The following MAF variants were observed in gnomAD, a reference collection of about 807,000 sequenced individuals.
MAF encodes the protein MAF bZIP transcription factor.
A neutral mutation model predicts 22.0 loss-of-function variants in MAF; 10 were observed. The observed-to-expected ratio is 0.45, with a 90% CI of 0.28 to 0.77. MAF has a LOEUF of 0.77. Ranked by LOEUF, MAF falls within the 30% of genes least tolerant of loss-of-function variation. The pLI, the probability that MAF is intolerant of heterozygous loss-of-function variation, is 0.12. For synonymous variants in MAF, 337 were observed against 255.8 expected (o/e 1.32, Z -3.03); for missense variants, 544 against 548.4 (o/e 0.99, Z 0.08).
chr16:79,478,467 A>G, the MAF span, among the ~76,000 whole-genome samples: 1 of 152,274 alleles, frequency 6.6e-6, no homozygotes, highest in East Asian at 1.9e-4. Flanking sequence ...AGAAGAACAC[A>G]ATCACCACTG....
the MAF span, among the ~76,000 whole-genome samples, chr16:79,283,981 A>AAT: frequency 1.3e-5 from 1 of 77,494 alleles, no homozygotes; most frequent in East Asian, 4.1e-4. Context: ...AAAAAAAAAA[A>AAT]AAAAGACAAA....
chr16:79,281,916 A>G, the MAF span, among the ~76,000 whole-genome samples: 2 of 152,134 alleles, frequency 1.3e-5, no homozygotes, highest in African/African-American at 4.8e-5. Flanking sequence ...GCTAGCAAGG[A>G]CCACAATGAG....
chr16:79,420,499 A>C, the MAF span, among the ~76,000 whole-genome samples: 1 of 152,196 alleles, frequency 6.6e-6, no homozygotes, highest in Non-Finnish European at 1.5e-5. Context: ...TCACAGCAAA[A>C]TAGAACAAAA....
the MAF span, among the ~76,000 whole-genome samples, chr16:79,331,684 A>G: frequency 0.034 from 5,136 of 152,256 alleles, 309 homozygotes; most frequent in African/African-American, 0.12. Flanking sequence ...ATGGGTCTCC[A>G]GCTCTTGGAG....
the MAF span, among the ~76,000 whole-genome samples, chr16:79,308,113 T>G: frequency 1.3e-5 from 2 of 152,238 alleles, no homozygotes; most frequent in Non-Finnish European, 2.9e-5. Flanking sequence ...ATATCTATGG[T>G]GTCCCTGAAG....
At chr16:79,262,924 G>A in the MAF span, among the ~76,000 whole-genome samples, 3 of 152,304 alleles carry the variant, frequency 2.0e-5, no homozygotes, top group East Asian at 5.8e-4. Context: ...CATAATGTAT[G>A]TTTGCAGCAG....
the MAF span, among the ~76,000 whole-genome samples, chr16:79,487,564 G>C: frequency 1.3e-5 from 2 of 152,106 alleles, no homozygotes; most frequent in Non-Finnish European, 2.9e-5. Flanking sequence ...TGAAGAAAAA[G>C]AACAGGAAGA....
the MAF span, among the ~76,000 whole-genome samples, chr16:79,254,438 G>C: frequency 6.6e-6 from 1 of 151,892 alleles, no homozygotes; most frequent in Non-Finnish European, 1.5e-5. Context: ...TTAAGCATTT[G>C]TTTGCAATTT....
the MAF span, among the ~76,000 whole-genome samples, chr16:79,436,664 A>C: frequency 6.6e-6 from 1 of 152,250 alleles, no homozygotes; most frequent in African/African-American, 2.4e-5. Context: ...TGTTGGTTGC[A>C]AAGACATTTA....
chr16:79,359,139 C>A, the MAF span, among the ~76,000 whole-genome samples: 4 of 152,214 alleles, frequency 2.6e-5, no homozygotes, highest in Admixed American at 2.6e-4. Context: ...CCAAATCTTT[C>A]TCTCTCCATA....
At chr16:79,322,486 T>C in the MAF span, among the ~76,000 whole-genome samples, 5 of 152,180 alleles carry the variant, frequency 3.3e-5, no homozygotes, top group African/African-American at 1.2e-4. Flanking sequence ...TGCCCAGGAA[T>C]TCTTTGCCAC....
At chr16:79,267,761 G>C in the MAF span, among the ~76,000 whole-genome samples, 2 of 152,334 alleles carry the variant, frequency 1.3e-5, no homozygotes, top group South Asian at 4.1e-4. Context: ...AGAACACAAA[G>C]AGTGCAGCGT....
the MAF span, among the ~76,000 whole-genome samples, chr16:79,484,419 A>T: frequency 6.6e-6 from 1 of 152,148 alleles, no homozygotes; most frequent in Non-Finnish European, 1.5e-5. Flanking sequence ...TCTGCAGATG[A>T]CCTCAGAGGT....
At chr16:79,420,467 T>G in the MAF span, among the ~76,000 whole-genome samples, 1 of 152,222 alleles carries the variant, frequency 6.6e-6, no homozygotes, top group Admixed American at 6.5e-5. Flanking sequence ...AAGAGTATTT[T>G]TATTTTAGAG....
the MAF span, among the ~76,000 whole-genome samples, chr16:79,388,251 G>A: frequency 8.2e-5 from 9 of 109,938 alleles, no homozygotes; most frequent in East Asian, 9.1e-4. Flanking sequence ...TGTGGCCCGC[G>A]GATAAATAGC....
At chr16:79,468,066 G>T in the MAF span, among the ~76,000 whole-genome samples, 7 of 152,052 alleles carry the variant, frequency 4.6e-5, no homozygotes, top group Non-Finnish European at 1.0e-4. Flanking sequence ...AGCAGACCTG[G>T]GTGCATCATG....
At chr16:79,579,577 G>T in the MAF span, among the ~76,000 whole-genome samples, 1 of 152,062 alleles carries the variant, frequency 6.6e-6, no homozygotes. Context: ...AGGAAAAAGG[G>T]AAAGAAAAGA....
chr16:79,241,110 T>G, the MAF span, among the ~76,000 whole-genome samples: 1 of 151,986 alleles, frequency 6.6e-6, no homozygotes, highest in Non-Finnish European at 1.5e-5. Context: ...GGCTGGAAAT[T>G]CCAAAAACCA....
At chr16:79,210,140 C>G in the MAF span, among the ~76,000 whole-genome samples, 281 of 152,288 alleles carry the variant, frequency 1.8e-3, 2 homozygotes, top group African/African-American at 6.3e-3. Flanking sequence ...CGGTCCACAC[C>G]CCGCCCAGAG....
Sources: allele counts gnomAD v4.1 joint callset (sites outside exome capture counted in the v4.1 genomes callset), GRCh38; gene constraint gnomAD v4.1.1; transcripts MANE v1.5; gene names NCBI Gene and HGNC (gene_info 2026-07-23, HGNC 2026-07-21).